The following ARHGEF10L variants were observed in gnomAD, a reference collection of about 807,000 sequenced individuals.
ARHGEF10L encodes the protein rho guanine nucleotide exchange factor 10-like protein.
A neutral mutation model predicts 141.2 loss-of-function variants in ARHGEF10L; 69 were observed. The observed-to-expected ratio is 0.49, with a 90% CI of 0.40 to 0.60. The LOEUF (loss-of-function observed/expected upper bound fraction) is 0.60. Among genes scored for constraint, ARHGEF10L ranks in the 20% least tolerant of loss-of-function variants. ARHGEF10L has a pLI of 0.00. For missense variants in ARHGEF10L, 1,482 were observed against 1,734.3 expected (o/e 0.85, Z 2.58); for synonymous variants, 711 against 718.5 (o/e 0.99, Z 0.17).
the ARHGEF10L span, among the ~76,000 whole-genome samples, chr1:17,514,782 C>T: frequency 6.6e-6 from 1 of 152,290 alleles, no homozygotes; most frequent in East Asian, 1.9e-4. Flanking sequence ...TAAAAGTCAT[C>T]CTGGGCCTTG....
At chr1:17,575,913 T>C (rs1570562053) in intron 1 of ARHGEF10L, among the ~76,000 whole-genome samples, 1 of 152,176 alleles carries the variant, frequency 6.6e-6, no homozygotes, top group African/African-American at 2.4e-5. Context: ...AGGCCAGAGC[T>C]TGACAAGCGT....
In ARHGEF10L at chr1:17,616,087, T is replaced by G; in HGVS notation, c.727-7T>G. On this transcript the variant is annotated splice_polypyrimidine_tract_variant and splice_region_variant and intron_variant, in intron 8 of 28. Transcript: ENST00000361221. ...CTTCCCTGATGAGCCTCTCTACCTT[T>G]GCTCAGATGACCCAGCTCATGAAGG... The G allele has an allele frequency of 6.2e-7, 1 of 1,613,030 alleles. No homozygotes were observed.
At chr1:17,523,747 G>C in the ARHGEF10L span, among the ~76,000 whole-genome samples, 2 of 152,156 alleles carry the variant, frequency 1.3e-5, no homozygotes, top group African/African-American at 4.8e-5. Flanking sequence ...TTCTAGAGTT[G>C]TTTCTGCCTT....
chr1:17,638,616 C>A lies in ARHGEF10L; in HGVS notation c.2098C>A (p.Arg700=). The stretch of plus-strand genomic sequence containing the variant: ...GTGCCTGGCCCTGCAGAGGCTGATG[C>A]GGGTGAAGGAGGAAGAGATCCACTC... ...DWCLALQRLM[R]VKEEEIHSAN... is the part of the protein sequence containing the mutation. The change falls in exon 20 of 29, where the codon CGG becomes AGG. Residue 700 remains arginine (R), a synonymous_variant. Transcript: ENST00000361221. 6.2e-7 allele frequency: 1 copy of A among 1,614,054 alleles called. No individual in the cohort carries two copies. The highest frequency in any genetic ancestry group is 1.7e-5 in the Admixed American group (1 of 60,020).
intron 21 of ARHGEF10L, among the ~76,000 whole-genome samples, chr1:17,645,339 G>T (rs2061536455): frequency 6.6e-6 from 1 of 152,120 alleles, no homozygotes; most frequent in African/African-American, 2.4e-5. Flanking sequence ...CCAGTCGCAG[G>T]CAGGGAAGGC....
the ARHGEF10L span, among the ~76,000 whole-genome samples, chr1:17,520,618 C>T: frequency 2.0e-5 from 3 of 152,180 alleles, no homozygotes; most frequent in Non-Finnish European, 4.4e-5. Flanking sequence ...AGCTTGGGGA[C>T]ACCTTGGGAT....
chr1:17,578,668 C>G (rs4920617), intron 1 of ARHGEF10L, among the ~76,000 whole-genome samples: 1 of 151,994 alleles, frequency 6.6e-6, no homozygotes, highest in Non-Finnish European at 1.5e-5. Context: ...CCTGGGAAAT[C>G]GAGACCAAAG....
chr1:17,543,740 T>G (rs1359739698), intron 1 of ARHGEF10L, among the ~76,000 whole-genome samples: 1 of 151,894 alleles, frequency 6.6e-6, no homozygotes, highest in East Asian at 1.9e-4. Flanking sequence ...CACCGCCCCC[T>G]GGTTTCAAGT....
intron 2 of ARHGEF10L, among the ~76,000 whole-genome samples, chr1:17,585,921 C>T (rs1205841074): frequency 6.6e-6 from 1 of 152,184 alleles, no homozygotes; most frequent in Admixed American, 6.5e-5. Flanking sequence ...CTGTTGTTGT[C>T]ATAATCCTTA....
intron 6 of ARHGEF10L, among the ~76,000 whole-genome samples, chr1:17,606,217 G>T (rs973862129): frequency 1.3e-5 from 2 of 152,126 alleles, no homozygotes; most frequent in Non-Finnish European, 2.9e-5. Flanking sequence ...GCCACATTTT[G>T]CAGAGAGGTC....
chr1:17,551,337 G>A (rs2077103548), intron 1 of ARHGEF10L, among the ~76,000 whole-genome samples: 1 of 94,388 alleles, frequency 1.1e-5, no homozygotes, highest in Non-Finnish European at 2.2e-5. Context: ...GGTGCCTGAT[G>A]CAGGTGGAGG....
the ARHGEF10L span, among the ~76,000 whole-genome samples, chr1:17,514,361 C>T: frequency 1.3e-5 from 2 of 152,050 alleles, no homozygotes; most frequent in African/African-American, 4.8e-5. Flanking sequence ...GTCTTGAACT[C>T]CTGATCTCAA....
At chr1:17,587,131 A>G (rs1275996171) in intron 2 of ARHGEF10L, among the ~76,000 whole-genome samples, 2 of 152,234 alleles carry the variant, frequency 1.3e-5, no homozygotes, top group Non-Finnish European at 1.5e-5. Context: ...ATAAACACAC[A>G]TGTAAAAAGA....
chr1:17,566,949 C>T (rs1423600044), intron 1 of ARHGEF10L, among the ~76,000 whole-genome samples: 2 of 152,178 alleles, frequency 1.3e-5, no homozygotes, highest in Non-Finnish European at 2.9e-5. Flanking sequence ...TAAAAGTCCC[C>T]AGAGTGAGGG....
At chr1:17,663,127 C>T (rs997734159) in intron 25 of ARHGEF10L, among the ~76,000 whole-genome samples, 4 of 152,142 alleles carry the variant, frequency 2.6e-5, no homozygotes, top group Admixed American at 6.5e-5. Flanking sequence ...TGGCGCGCGC[C>T]GCTTGGATGC....
At chr1:17,658,775 C>T (rs574717945) in intron 25 of ARHGEF10L, among the ~76,000 whole-genome samples, 4 of 151,298 alleles carry the variant, frequency 2.6e-5, no homozygotes, top group East Asian at 3.9e-4. Context: ...AGGGCTCCGA[C>T]GGAAAGGAAA....
intron 15 of ARHGEF10L, among the ~76,000 whole-genome samples, chr1:17,630,597 C>T (rs771043861): frequency 6.6e-6 from 1 of 152,234 alleles, no homozygotes; most frequent in Admixed American, 6.5e-5. Context: ...CTGCTCAATG[C>T]AGGGAATGGT....
the ARHGEF10L span, among the ~76,000 whole-genome samples, chr1:17,514,896 C>T: frequency 1.1e-4 from 16 of 152,114 alleles, no homozygotes; most frequent in South Asian, 2.1e-4. Context: ...CTGAGCCTCT[C>T]GTGCCAGCGG....
intron 26 of ARHGEF10L, among the ~76,000 whole-genome samples, chr1:17,680,430 T>C (rs1393228726): frequency 3.3e-5 from 5 of 152,158 alleles, no homozygotes; most frequent in African/African-American, 1.2e-4. Context: ...GGACTGGAGG[T>C]TGGGCTGTGT....
Sources: gnomAD v4.1 joint callset for allele counts (sites outside exome capture counted in the v4.1 genomes callset) on GRCh38, gnomAD v4.1.1 for gene constraint, MANE v1.5 for transcripts, NCBI Gene and HGNC (gene_info 2026-07-23, HGNC 2026-07-21) for gene names.